Variants in AIF1L observed in about 807,000 individuals in gnomAD.
AIF1L encodes allograft inflammatory factor 1 like.
In AIF1L, 12 loss-of-function variants were observed where a neutral mutation model predicts 20.7. That is an observed-to-expected ratio of 0.58 (90% CI 0.37 to 0.94). The LOEUF is 0.94. Among genes scored for constraint, AIF1L ranks in the 40% least tolerant of loss-of-function variants. The pLI is 0.01. For missense variants in AIF1L, 173 were observed against 185.3 expected (o/e 0.93, Z 0.39); for synonymous variants, 76 against 65.1 (o/e 1.17, Z -0.81).
In AIF1L at chr9:131,106,320, G is replaced by C. The variant is rs1234572660; in HGVS notation, c.94-5277G>C. ...TCCACTCATCCTGCACATGTTTATT[G>C]AGCGTCTGCTATGTGGAACCTACAT... is the stretch of plus-strand genomic sequence containing the variant. On this transcript the variant is annotated intron_variant, in intron 2 of 5. Transcript: ENST00000247291. 3.9e-6 allele frequency: 5 copies of C among 1,278,374 alleles called. No homozygotes were observed. In the African/African-American group the frequency reaches 5.9e-5, roughly 15 times the overall value. 79.2% of individuals were successfully genotyped at this position (1,278,374 alleles called of 1,614,324 possible).
intron 3 of AIF1L, 131 bp downstream of exon 3, chr9:131,111,794 T>G: frequency 1.1e-6 from 1 of 936,630 alleles, no homozygotes; most frequent in Non-Finnish European, 1.6e-6. Context: ...CCCTTCTTCC[T>G]GGAGAAGGCT....
chr9:131,098,786 G>A (rs976200696), intron 2 of AIF1L, among the ~76,000 whole-genome samples: 6 of 152,184 alleles, frequency 3.9e-5, no homozygotes, highest in East Asian at 1.9e-4. Context: ...TCAGGACAGC[G>A]CCCAGAGAGG....
chr9:131,098,603 G>T (rs1425011897), intron 2 of AIF1L, among the ~76,000 whole-genome samples: 1 of 152,052 alleles, frequency 6.6e-6, no homozygotes, highest in East Asian at 1.9e-4. Context: ...AGAGGGCGGG[G>T]CCAACCTAGC....
intron 2 of AIF1L, among the ~76,000 whole-genome samples, chr9:131,097,500 C>A (rs1830555063): frequency 6.6e-6 from 1 of 152,244 alleles, no homozygotes; most frequent in Admixed American, 6.5e-5. Flanking sequence ...ACACACCACT[C>A]CTCTTCACTC....
chr9:131,117,974 G>A, intron 5 of AIF1L, 56 bp downstream of exon 5: 1 of 1,524,926 alleles, frequency 6.6e-7, no homozygotes, highest in South Asian at 1.3e-5. Context: ...TCTGTGCAGA[G>A]AGGCCCCTGG....
intron 4 of AIF1L, among the ~76,000 whole-genome samples, chr9:131,116,879 C>T (rs528037460): frequency 6.6e-6 from 1 of 152,248 alleles, no homozygotes; most frequent in East Asian, 1.9e-4. Context: ...CTGCCCAGCT[C>T]TCTCTGAATG....
At chr9:131,111,737 C>A (rs921530490) in intron 3 of AIF1L, 74 bp downstream of exon 3, 5 of 1,409,328 alleles carry the variant, frequency 3.5e-6, no homozygotes, top group Admixed American at 3.4e-5. Context: ...CACACAGGAC[C>A]CCTCAGCCCC....
chr9:131,111,876 A>T, intron 3 of AIF1L: 1 of 569,346 alleles, frequency 1.8e-6, no homozygotes, highest in Non-Finnish European at 3.1e-6. Context: ...GGGCCCCGTC[A>T]CCCCTCGCCT....
chr9:131,103,600 C>T (rs748741986), intron 2 of AIF1L, among the ~76,000 whole-genome samples: 26 of 152,160 alleles, frequency 1.7e-4, no homozygotes, highest in African/African-American at 4.6e-4. Context: ...TCCTGCAGAT[C>T]GTGCCACTGC....
intron 4 of AIF1L, 148 bp from the exon 5 acceptor site, chr9:131,117,608 G>A (rs1831042984): frequency 4.0e-6 from 3 of 755,290 alleles, no homozygotes; most frequent in South Asian, 2.0e-5. Flanking sequence ...AAAGAGAGCA[G>A]GGAGGGCGTG....
intron 2 of AIF1L, chr9:131,102,889 C>T (rs528926757): frequency 6.6e-5 from 30 of 456,188 alleles, no homozygotes; most frequent in Non-Finnish European, 1.1e-4. Flanking sequence ...GGATGGCCTC[C>T]AAGATGGTGA....
At chr9:131,118,160 T>C (rs2133409280) in intron 5 of AIF1L, among the ~76,000 whole-genome samples, 1 of 152,342 alleles carries the variant, frequency 6.6e-6, no homozygotes, top group East Asian at 1.9e-4. Flanking sequence ...TGGTGTGATC[T>C]TGGCTCACTG....
At chr9:131,100,213 A>G (rs1471309047) in intron 2 of AIF1L, among the ~76,000 whole-genome samples, 4 of 152,058 alleles carry the variant, frequency 2.6e-5, no homozygotes, top group South Asian at 2.1e-4. Flanking sequence ...TGCCTTAGCT[A>G]TTGTTATTAT....
chr9:131,109,928 G>T (rs2133389745), intron 2 of AIF1L, among the ~76,000 whole-genome samples: 1 of 152,252 alleles, frequency 6.6e-6, no homozygotes, highest in African/African-American at 2.4e-5. Context: ...AGTAGCTACT[G>T]GCCGGGCGCC....
chr9:131,100,498 C>A (rs1830613996), intron 2 of AIF1L, among the ~76,000 whole-genome samples: 2 of 152,306 alleles, frequency 1.3e-5, no homozygotes, highest in South Asian at 4.1e-4. Flanking sequence ...GTTTAAACAG[C>A]CTCGACTTGA....
intron 2 of AIF1L, chr9:131,106,203 G>C (rs1341794724): frequency 6.5e-7 from 1 of 1,535,614 alleles, no homozygotes; most frequent in Non-Finnish European, 8.7e-7. Context: ...TGCAGGGAGG[G>C]AGCCGCAGCT....
At position 131,096,610 on chromosome 9, in the gene AIF1L, G is replaced by C. The variant is rs1830530653; in HGVS notation, c.-20G>C. ...GCCGCGTCCGCGAAGCCTGGAGCCG[G>C]CGGGAGCCCCGCGCTCGCCATGTCG... On this transcript the variant is annotated 5_prime_UTR_variant, in exon 1 of 6. Coordinates refer to ENST00000247291, the MANE Select transcript of AIF1L (RefSeq NM_031426.4). 1 of 1,485,068 alleles carries C rather than the reference G, an allele frequency of 6.7e-7. No homozygotes were observed. The highest frequency in any genetic ancestry group is 8.9e-7 in the Non-Finnish European group (1 of 1,126,046). The allele number at this position is 1,485,068 out of a possible 1,614,324, so 92.0% of individuals were successfully genotyped here. A position where few individuals can be genotyped will look rare whatever the true frequency, so the allele number is the denominator to read the frequency against.
chr9:131,122,984 C>T lies in AIF1L; in HGVS notation c.*2662C>T, dbSNP rs550739288. 3 of 152,288 alleles carry T rather than the reference C, an allele frequency of 2.0e-5. No individual in the cohort carries two copies. The highest frequency in any genetic ancestry group is 4.4e-5 in the Non-Finnish European group (3 of 68,078). 9.4% of individuals were successfully genotyped at this position (152,288 alleles called of 1,614,324 possible). On this transcript the variant is annotated 3_prime_UTR_variant, in exon 6 of 6. Coordinates refer to ENST00000247291, the MANE Select transcript of AIF1L (RefSeq NM_031426.4). The stretch of plus-strand genomic sequence containing the variant: ...TTCTGAAAGACCAAATCTAATGTAA[C>T]CAGTAACGTGAGGACTGCCAAGTAT...
chr9:131,107,315 A>G (rs4740217), intron 2 of AIF1L, among the ~76,000 whole-genome samples: 33,813 of 151,992 alleles, frequency 0.22, 4,073 homozygotes, highest in East Asian at 0.34. Context: ...TCTGTGTGCA[A>G]TTTGTCTCTA....
Sources: allele counts gnomAD v4.1 joint callset (sites outside exome capture counted in the v4.1 genomes callset), GRCh38; gene constraint gnomAD v4.1.1; transcripts MANE v1.5; gene names NCBI Gene and HGNC (gene_info 2026-07-23, HGNC 2026-07-21).